Variants in TAFA2 observed in about 807,000 individuals in gnomAD.
The protein encoded by TAFA2 is TAFA chemokine like family member 2.
In TAFA2, 7 loss-of-function variants were observed where a neutral mutation model predicts 18.8. That is an observed-to-expected ratio of 0.37 (90% CI 0.21 to 0.70). TAFA2 has a LOEUF of 0.70. Among genes scored for constraint, TAFA2 ranks in the 30% least tolerant of loss-of-function variants. TAFA2 has a pLI of 0.53. For missense variants in TAFA2, 122 were observed against 158.1 expected (o/e 0.77, Z 1.23); for synonymous variants, 60 against 54.2 (o/e 1.11, Z -0.47).
rs373020113 is a variant in TAFA2 at position 62,002,142 on chromosome 12, T to C, written c.-1-134716A>G. On this transcript the variant is annotated intron_variant, in intron 1 of 4. Transcript: ENST00000416284. ...GGGGAAGGTCACTGCAATTAGGTCC[T>C]GTAGTGGCTTATGTTTCACTGCGTT... Among the ~76,000 whole-genome samples the C allele has an allele frequency of 7.4e-4, 113 of 152,322 alleles. 1 individual carries two copies. In the South Asian group the frequency reaches 0.023, roughly 30 times the overall value.
At chr12:62,175,884 T>TTA (rs1565770595) in intron 1 of TAFA2, among the ~76,000 whole-genome samples, 1 of 4,650 alleles carries the variant, frequency 2.2e-4, no homozygotes, top group African/African-American at 3.5e-4. Flanking sequence ...ATATATATAT[T>TTA]AAATTACAAG....
At chr12:62,215,504 C>T (rs2062730528) in intron 1 of TAFA2, among the ~76,000 whole-genome samples, 1 of 136,650 alleles carries the variant, frequency 7.3e-6, no homozygotes. Flanking sequence ...TACAATCTTA[C>T]TCAGGGAAAA....
chr12:62,234,408 G>A (rs1461180453), intron 1 of TAFA2: 22 of 707,438 alleles, frequency 3.1e-5, no homozygotes, highest in Non-Finnish European at 4.5e-5. Context: ...GAACAGGACC[G>A]TCCTGCTGTC....
chr12:61,712,139 T>C (rs1381297444), intron 4 of TAFA2, among the ~76,000 whole-genome samples: 2 of 152,120 alleles, frequency 1.3e-5, no homozygotes, highest in African/African-American at 4.8e-5. Context: ...GCCTCTGCTG[T>C]TGCTCAGTGT....
At position 62,061,939 on chromosome 12, in the gene TAFA2, A is replaced by G. The variant is rs147645583; in HGVS notation, c.-2+129320T>C. Among the ~76,000 whole-genome samples the G allele has an allele frequency of 5.4e-3, 825 of 152,242 alleles. 10 individuals carry two copies. The highest frequency in any genetic ancestry group is 0.019 in the African/African-American group (774 of 41,550). On this transcript the variant is annotated intron_variant, in intron 1 of 4. Coordinates refer to ENST00000416284, the MANE Select transcript of TAFA2 (RefSeq NM_178539.5). ...TAAGAGCGGAGAAGACGCAGCACCA[A>G]GAGGCCCAGGGGAGGCTCGGGGAAA...
At chr12:61,918,896 G>C (rs1273755257) in intron 1 of TAFA2, among the ~76,000 whole-genome samples, 1 of 152,116 alleles carries the variant, frequency 6.6e-6, no homozygotes, top group Non-Finnish European at 1.5e-5. Flanking sequence ...TAAAAGCTCT[G>C]GTGTCAGAAA....
chr12:62,178,714 C>T (rs964525225), intron 1 of TAFA2, among the ~76,000 whole-genome samples: 6 of 152,192 alleles, frequency 3.9e-5, no homozygotes, highest in Non-Finnish European at 8.8e-5. Context: ...GAACCCATAT[C>T]TTTTATAATG....
chr12:61,827,862 C>T (rs1007312388), intron 2 of TAFA2, among the ~76,000 whole-genome samples: 3 of 151,906 alleles, frequency 2.0e-5, no homozygotes, highest in African/African-American at 7.2e-5. Flanking sequence ...GTGCATAAAT[C>T]CTCCATGTGT....
chr12:62,010,843 G>C (rs1487609593), intron 1 of TAFA2, among the ~76,000 whole-genome samples: 1 of 127,028 alleles, frequency 7.9e-6, no homozygotes, highest in African/African-American at 3.0e-5. Flanking sequence ...GCAGCCCTTC[G>C]TCTGGGAGGT....
rs1869787487 is a variant in TAFA2, at chr12:61,766,310, C to A, written c.107-11286G>T. 2.0e-5 allele frequency among the ~76,000 whole-genome samples: 3 copies of A among 152,200 alleles called. No homozygotes were observed. In the South Asian group the frequency reaches 6.2e-4, roughly 32 times the overall value. Reference sequence around the variant, plus strand: ...CTCAGCCTACATTCGTCTTCTCTAGCTTCACTTTCCTGTGCACATGTGTTG... The same window carrying A: ...CTCAGCCTACATTCGTCTTCTCTAGATTCACTTTCCTGTGCACATGTGTTG... On this transcript the variant is annotated intron_variant, in intron 2 of 4. Transcript: ENST00000416284.
chr12:62,227,589 G>A (rs2062792683), intron 1 of TAFA2, among the ~76,000 whole-genome samples: 1 of 152,056 alleles, frequency 6.6e-6, no homozygotes, highest in Admixed American at 6.6e-5. Flanking sequence ...TTCTCTTTGT[G>A]GATTATTTCC....
chr12:61,953,049 T>C (rs1202438571), intron 1 of TAFA2, among the ~76,000 whole-genome samples: 1 of 152,146 alleles, frequency 6.6e-6, no homozygotes, highest in South Asian at 2.1e-4. Context: ...GGCAAGACTA[T>C]AAAAGTATCT....
chr12:61,734,339 G>C (rs2120669053), intron 4 of TAFA2, among the ~76,000 whole-genome samples: 1 of 127,720 alleles, frequency 7.8e-6, no homozygotes, highest in Admixed American at 9.5e-5. Context: ...ATGGGAAGGG[G>C]AACATCACAC....
intron 1 of TAFA2, among the ~76,000 whole-genome samples, chr12:62,128,032 A>G (rs879284213): frequency 6.6e-5 from 10 of 151,996 alleles, no homozygotes; most frequent in Non-Finnish European, 1.3e-4. Context: ...AAGAAAAAAA[A>G]TGGGTAGGGA....
At chr12:61,846,945 T>G (rs533827781) in intron 2 of TAFA2, among the ~76,000 whole-genome samples, 1 of 152,332 alleles carries the variant, frequency 6.6e-6, no homozygotes, top group African/African-American at 2.4e-5. Flanking sequence ...TTTGTGATCA[T>G]AGCTTGCAGT....
intron 2 of TAFA2, among the ~76,000 whole-genome samples, chr12:61,805,412 T>C (rs1367477356): frequency 6.6e-6 from 1 of 152,074 alleles, no homozygotes; most frequent in Admixed American, 6.6e-5. Flanking sequence ...AATATTAACA[T>C]CATGCCATAC....
At chr12:61,937,276 C>T (rs896564199) in intron 1 of TAFA2, among the ~76,000 whole-genome samples, 3 of 152,038 alleles carry the variant, frequency 2.0e-5, no homozygotes, top group African/African-American at 4.8e-5. Context: ...AAAATATCAA[C>T]ATCATTTTTC....
At chr12:61,800,227 A>G (rs1871349507) in intron 2 of TAFA2, among the ~76,000 whole-genome samples, 1 of 152,210 alleles carries the variant, frequency 6.6e-6, no homozygotes, top group Admixed American at 6.5e-5. Context: ...TTTATGTACA[A>G]TACCACTTTT....
chr12:62,072,455 C>T (rs1398362270), intron 1 of TAFA2, among the ~76,000 whole-genome samples: 2 of 149,720 alleles, frequency 1.3e-5, no homozygotes, highest in Admixed American at 6.7e-5. Flanking sequence ...GGTGACAGAG[C>T]GAGACTCCAT....
Sources: allele counts gnomAD v4.1 joint callset (sites outside exome capture counted in the v4.1 genomes callset), GRCh38; gene constraint gnomAD v4.1.1; transcripts MANE v1.5; gene names NCBI Gene and HGNC (gene_info 2026-07-23, HGNC 2026-07-21).